CLIP2: variants seen among roughly 807,000 people sequenced by gnomAD.
CLIP2 encodes the protein CAP-Gly domain containing linker protein 2.
Under a neutral mutation model 111.7 loss-of-function variants are expected in CLIP2, and 41 were observed. That is an observed-to-expected ratio of 0.37 (90% CI 0.29 to 0.48). The LOEUF is 0.48. Ranked by LOEUF, CLIP2 falls within the 20% of genes least tolerant of loss-of-function variation. CLIP2 has a pLI of 0.99. For synonymous variants in CLIP2, 660 were observed against 644.2 expected (o/e 1.02, Z -0.37); for missense variants, 1,160 against 1,422.1 (o/e 0.82, Z 2.96).
At chr7:74,339,082 C>A in intron 3 of CLIP2, 78 bp downstream of exon 3, 1 of 1,420,112 alleles carries the variant, frequency 7.0e-7, no homozygotes, top group Non-Finnish European at 9.5e-7. Flanking sequence ...GAAGCTGGAC[C>A]CCCCTGGGCT....
At chr7:74,346,605 C>T (rs1255121419) in intron 3 of CLIP2, among the ~76,000 whole-genome samples, 1 of 151,772 alleles carries the variant, frequency 6.6e-6, no homozygotes, top group Non-Finnish European at 1.5e-5. Context: ...CGCCTGTAAT[C>T]CAAGCTCCTC....
chr7:74,347,888 A>T (rs552230317), intron 3 of CLIP2, among the ~76,000 whole-genome samples: 1 of 152,192 alleles, frequency 6.6e-6, no homozygotes, highest in Non-Finnish European at 1.5e-5. Flanking sequence ...ACTAGAACAG[A>T]AAGGAAACAG....
intron 15 of CLIP2, among the ~76,000 whole-genome samples, chr7:74,400,897 C>T (rs1554317476): frequency 6.7e-6 from 1 of 149,888 alleles, no homozygotes; most frequent in African/African-American, 2.5e-5. Flanking sequence ...GGAGGCAGCT[C>T]TGTCCCAGAA....
intron 2 of CLIP2, among the ~76,000 whole-genome samples, chr7:74,322,201 G>A (rs1357626652): frequency 1.3e-5 from 2 of 151,656 alleles, no homozygotes; most frequent in East Asian, 1.9e-4. Context: ...ATGTTGGCCA[G>A]GCTGGTCTCG....
chr7:74,387,109 G>C (rs1450042466), intron 12 of CLIP2, among the ~76,000 whole-genome samples: 1 of 151,670 alleles, frequency 6.6e-6, no homozygotes, highest in Non-Finnish European at 1.5e-5. Context: ...GCCCACATGT[G>C]GTCCATCCTA....
intron 2 of CLIP2, among the ~76,000 whole-genome samples, chr7:74,335,207 G>A (rs572827903): frequency 1.4e-5 from 2 of 147,754 alleles, no homozygotes; most frequent in Non-Finnish European, 3.0e-5. Context: ...GGAGGTGGAG[G>A]TTGGAGTGAG....
Position 74,341,985 on chromosome 7 carries a change from C to T in CLIP2, c.678+2981C>T, listed in dbSNP as rs189604508. Among the ~76,000 whole-genome samples the T allele has an allele frequency of 1.6e-3, 240 of 152,228 alleles. 1 individual carries two copies. Among genetic ancestry groups the T allele is most frequent in the African/African-American group, 5.1e-3 (214 of 41,554 alleles). On this transcript the variant is annotated intron_variant, in intron 3 of 16. Transcript: ENST00000223398. ...AGGCTGCCCCGAGGAATGGTTCCCCCGAGGGCAGAACTTAGGGAATGGCCT... is the reference window on the plus strand; with the variant it reads ...AGGCTGCCCCGAGGAATGGTTCCCCTGAGGGCAGAACTTAGGGAATGGCCT...
intron 3 of CLIP2, 128 bp from the exon 4 acceptor site, chr7:74,353,752 C>T: frequency 1.5e-6 from 2 of 1,290,764 alleles, no homozygotes; most frequent in South Asian, 1.2e-5. Context: ...CTCTCCCTCC[C>T]CACTCCTGGC....
chr7:74,387,758 T>C (rs1791156630), intron 12 of CLIP2, among the ~76,000 whole-genome samples: 1 of 152,160 alleles, frequency 6.6e-6, no homozygotes, highest in Non-Finnish European at 1.5e-5. Flanking sequence ...TAAACACACG[T>C]GTGATATCGC....
Position 74,338,442 on chromosome 7 carries a change from C to T in CLIP2, c.122-6C>T, listed in dbSNP as rs1403889986. 8 of 1,611,920 alleles carry T rather than the reference C, an allele frequency of 5.0e-6. No individual in the cohort carries two copies. Among genetic ancestry groups the T allele is most frequent in the Non-Finnish European group, 5.9e-6 (7 of 1,179,486 alleles). The stretch of plus-strand genomic sequence containing the variant: ...CCTCTTTCCCTTTCCCTCTCCTTCT[C>T]TGCAGGCTCCCCACTGCACAAACAG... On this transcript the variant is annotated splice_polypyrimidine_tract_variant and splice_region_variant and intron_variant, in intron 2 of 16. Transcript: ENST00000223398. The surrounding 1 kb of genome is among the most constrained non-coding windows in gnomAD (Gnocchi z 4.3).
chr7:74,359,455 G>A (rs1790255094), intron 6 of CLIP2, among the ~76,000 whole-genome samples: 4 of 150,300 alleles, frequency 2.7e-5, no homozygotes, highest in Middle Eastern at 3.4e-3. Flanking sequence ...CCAGGTTCAC[G>A]CCATTCTCCT....
At position 74,394,243 on chromosome 7, in the gene CLIP2, T is replaced by TTC. The variant is rs200568104; in HGVS notation, c.2721-2830_2721-2829insCT. On this transcript the variant is annotated intron_variant, in intron 13 of 16. Coordinates refer to ENST00000223398, the MANE Select transcript of CLIP2 (RefSeq NM_003388.5). Reference sequence around the variant, plus strand: ...CTTCTGGGATACCTTCTTTTTCTTCTTATTTTTTTTTTTTTTTTTTTTTTG... The same window carrying TTC: ...CTTCTGGGATACCTTCTTTTTCTTCTTCTATTTTTTTTTTTTTTTTTTTTTTG... Among the ~76,000 whole-genome samples, 947 of 126,226 alleles carry TTC rather than the reference T, an allele frequency of 7.5e-3. 38 individuals are homozygous for TTC. Among genetic ancestry groups the TTC allele is most frequent in the African/African-American group, 0.018 (631 of 34,134 alleles). The allele number at this position is 126,226 out of a possible 152,430, so 82.8% of individuals were successfully genotyped here. A position where few individuals can be genotyped will look rare whatever the true frequency, so the allele number is the denominator to read the frequency against.
intron 8 of CLIP2, among the ~76,000 whole-genome samples, chr7:74,369,615 G>A (rs1790550219): frequency 6.6e-6 from 1 of 151,984 alleles, no homozygotes; most frequent in African/African-American, 2.4e-5. Context: ...CCAGCACTTT[G>A]GGAAGCCAAG....
chr7:74,382,459 C>T (rs1171693013), intron 11 of CLIP2, among the ~76,000 whole-genome samples: 3 of 151,372 alleles, frequency 2.0e-5, no homozygotes, highest in African/African-American at 7.3e-5. Flanking sequence ...TGCATGCCAC[C>T]ATGCCCTGCT....
chr7:74,309,670 C>A lies in CLIP2; in HGVS notation c.-67-7810C>A, dbSNP rs567521186. On this transcript the variant is annotated intron_variant, in intron 1 of 16. Coordinates refer to ENST00000223398, the MANE Select transcript of CLIP2 (RefSeq NM_003388.5). ...GTCAGGAGTTCGAAACCAGCCTGGTCAACATAGTGAAACCCTGTCTCTACT... is the reference window on the plus strand; with the variant it reads ...GTCAGGAGTTCGAAACCAGCCTGGTAAACATAGTGAAACCCTGTCTCTACT... Among the ~76,000 whole-genome samples, 3 of 150,584 alleles carry A rather than the reference C, an allele frequency of 2.0e-5. No homozygotes were observed. The East Asian group carries it at 6.0e-4, about 30-fold the overall frequency.
chr7:74,336,891 T>TTTTTTTTTTTTTTTTTG (rs1564049067), intron 2 of CLIP2, among the ~76,000 whole-genome samples: 1 of 1,018 alleles, frequency 9.8e-4, no homozygotes, highest in Non-Finnish European at 1.5e-3. Flanking sequence ...TTTTGTTTTG[T>TTTTTTTTTTTTTTTTTG]TTTTTTTTTT....
intron 1 of CLIP2, among the ~76,000 whole-genome samples, chr7:74,308,180 G>C (rs1456755771): frequency 6.6e-6 from 1 of 152,182 alleles, no homozygotes; most frequent in African/African-American, 2.4e-5. Flanking sequence ...GAGAAGTGAA[G>C]CAGGTGGGAG....
chr7:74,293,840 C>G (rs1788093011), intron 1 of CLIP2, among the ~76,000 whole-genome samples: 1 of 151,892 alleles, frequency 6.6e-6, no homozygotes, highest in Non-Finnish European at 1.5e-5. Context: ...CCAGCCCTGC[C>G]CCGGGACAGG....
chr7:74,338,302 G>A lies in CLIP2; in HGVS notation c.122-146G>A. 2 of 933,468 alleles carry A rather than the reference G, an allele frequency of 2.1e-6. No individual in the cohort carries two copies. The highest frequency in any genetic ancestry group is 2.7e-5 in the East Asian group (1 of 37,398). The allele number at this position is 933,468 out of a possible 1,614,324, so 57.8% of individuals were successfully genotyped here. A position where few individuals can be genotyped will look rare whatever the true frequency, so the allele number is the denominator to read the frequency against. On this transcript the variant is annotated intron_variant, in intron 2 of 16. Transcript: ENST00000223398. The surrounding 1 kb of genome is among the most constrained non-coding windows in gnomAD (Gnocchi z 4.3). ...GGATTTCTTGAGGTCAGGAGTTCGA[G>A]ACCAGCCTGGCCGAGATGGTGAAAC...
Sources: gnomAD v4.1 joint callset for allele counts (sites outside exome capture counted in the v4.1 genomes callset) on GRCh38, gnomAD v4.1.1 for gene constraint, Gnocchi (gnomAD v3.1) non-coding constraint, MANE v1.5 for transcripts, NCBI Gene and HGNC (gene_info 2026-07-23, HGNC 2026-07-21) for gene names.